SRP19: variants seen among roughly 807,000 people sequenced by gnomAD.
The protein encoded by SRP19 is signal recognition particle 19.
SRP19 carries 11 observed loss-of-function variants against 22.4 expected under a neutral mutation model. The ratio of observed to expected loss-of-function variants is 0.49; its 90% CI spans 0.31 to 0.81. SRP19 has a LOEUF of 0.81. Ranked by LOEUF, SRP19 falls within the 40% of genes least tolerant of loss-of-function variation. The pLI, the probability that SRP19 is intolerant of heterozygous loss-of-function variation, is 0.05. For synonymous variants in SRP19, 61 were observed against 57.6 expected (o/e 1.06, Z -0.27); for missense variants, 168 against 175.9 (o/e 0.96, Z 0.25).
Position 112,864,638 on chromosome 5 carries a change from T to C in SRP19, c.207T>C (p.Ser69=). The change falls in exon 4 of 5, where the codon TCT becomes TCC. Residue 69 remains serine (S), a synonymous_variant. Coordinates refer to ENST00000505459, the MANE Select transcript of SRP19 (RefSeq NM_003135.3). ...TATGTTAGAAAAATAAAATGTACTCTAGAGAATGGAATCGTGATGTCCAAT... is the reference window on the plus strand; with the variant it reads ...TATGTTAGAAAAATAAAATGTACTCCAGAGAATGGAATCGTGATGTCCAAT... The part of the protein sequence containing the change: ...NVFLEKNKMY[S]REWNRDVQYR... 2 of 1,614,116 alleles carry C rather than the reference T, an allele frequency of 1.2e-6. No individual in the cohort carries two copies. The highest frequency in any genetic ancestry group is 1.7e-6 in the Non-Finnish European group (2 of 1,179,994).
chr5:112,872,322 C>CTTTTTTTTTT (rs759571945), downstream of SRP19, among the ~76,000 whole-genome samples: 1 of 92,690 alleles, frequency 1.1e-5, no homozygotes, highest in Non-Finnish European at 2.0e-5. Context: ...CCAAATGATT[C>CTTTTTTTTTT]TTTTTTTTTT....
downstream of SRP19, chr5:112,897,285 T>C (rs893417811): frequency 5.3e-5 from 8 of 151,506 alleles, no homozygotes; most frequent in Non-Finnish European, 1.0e-4. Context: ...TTTTAAAAAA[T>C]AGGAAGACTA....
chr5:112,891,828 A>G (rs1768463750), exon 5 of SRP19: 2 of 1,569,946 alleles, frequency 1.3e-6, no homozygotes, highest in Non-Finnish European at 8.8e-7. Context: ...AACAACAACT[A>G]GAAGAAGAGA....
downstream of SRP19, among the ~76,000 whole-genome samples, chr5:112,870,186 T>C (rs1767726565): frequency 6.6e-6 from 1 of 152,064 alleles, no homozygotes; most frequent in Non-Finnish European, 1.5e-5. Flanking sequence ...AGGAAGAAAG[T>C]AGTTGAGAAT....
intron 4 of SRP19, among the ~76,000 whole-genome samples, chr5:112,883,645 A>G (rs1768143482): frequency 6.6e-6 from 1 of 152,096 alleles, no homozygotes; most frequent in Non-Finnish European, 1.5e-5. Flanking sequence ...GTGGCCCCCA[A>G]ATTTATATCT....
chr5:112,898,049 A>C (rs1353350562), downstream of SRP19: 1 of 152,116 alleles, frequency 6.6e-6, no homozygotes, highest in African/African-American at 2.4e-5. Flanking sequence ...ACAGAGCAAC[A>C]CTCTGTCCCA....
intron 4 of SRP19, chr5:112,887,093 G>C (rs766641032): frequency 6.2e-7 from 1 of 1,613,726 alleles, no homozygotes; most frequent in South Asian, 1.1e-5. Context: ...TGGGACTCGT[G>C]CTTCAGGAAG....
At chr5:112,864,899 G>A (rs1207482050) in intron 4 of SRP19, 167 bp downstream of exon 4, 18 of 455,318 alleles carry the variant, frequency 4.0e-5, no homozygotes, top group Non-Finnish European at 5.4e-5. Flanking sequence ...ATTTCTTTGA[G>A]GTGAATGACC....
intron 4 of SRP19, among the ~76,000 whole-genome samples, chr5:112,886,072 A>G (rs1246342133): frequency 6.6e-6 from 1 of 152,220 alleles, no homozygotes; most frequent in African/African-American, 2.4e-5. Context: ...AGACTGGCCA[A>G]TGAACTCTTT....
chr5:112,864,575 A>T (rs1375468195), intron 3 of SRP19, 46 bp from the exon 4 acceptor site: 3 of 1,611,278 alleles, frequency 1.9e-6, no homozygotes, highest in African/African-American at 1.3e-5. Context: ...TAATTGATGT[A>T]ATAACTTTCT....
chr5:112,892,170 T>C, exon 5 of SRP19: 1 of 1,614,158 alleles, frequency 6.2e-7, no homozygotes, highest in African/African-American at 1.3e-5. Context: ...GAGCTAATTG[T>C]CCCTTCTACA....
At chr5:112,894,113 TGG>T (rs1359862447), downstream of SRP19, 2 of 139,950 alleles carry the variant, frequency 1.4e-5, no homozygotes, top group African/African-American at 5.9e-5. Flanking sequence ...TTTGTTTTTT[TGG>T]TTTTTTTTGT....
chr5:112,875,464 G>A (rs78065046), intron 4 of SRP19, among the ~76,000 whole-genome samples: 5,267 of 151,666 alleles, frequency 0.035, 222 homozygotes, highest in East Asian at 0.16. Flanking sequence ...GACCTCCCAG[G>A]CTCAAGTCCT....
At position 112,861,294 on chromosome 5, in the gene SRP19, C is replaced by T; in HGVS notation, c.-83C>T. ...GACTTCCGGCGGAAAAGCGGGCTGT[C>T]TCGGAAACTCAGAGCCGGGTTCCTC... On this transcript the variant is annotated 5_prime_UTR_variant, in exon 1 of 5. Transcript: ENST00000505459. The T allele has an allele frequency of 3.9e-6, 6 of 1,539,682 alleles. No homozygotes were observed. The highest frequency in any genetic ancestry group is 3.6e-6 in the Non-Finnish European group (4 of 1,112,606).
Position 112,869,570 on chromosome 5 carries a change from A to G in SRP19, c.*2033A>G, listed in dbSNP as rs77737326. Reference sequence around the variant, plus strand: ...ATATATACTATGTTTTTGCCTATGTATATATACTTGATATGGTTTGGCTGC... The same window carrying G: ...ATATATACTATGTTTTTGCCTATGTGTATATACTTGATATGGTTTGGCTGC... On this transcript the variant is annotated 3_prime_UTR_variant, in exon 5 of 5. Transcript: ENST00000505459. 5,313 of 152,328 alleles carry G rather than the reference A, an allele frequency of 0.035. 227 individuals carry two copies. Among genetic ancestry groups the G allele is most frequent in the East Asian group, 0.16 (827 of 5,180 alleles). The allele number at this position is 152,328 out of a possible 1,614,324, so 9.4% of individuals were successfully genotyped here. A position where few individuals can be genotyped will look rare whatever the true frequency, so the allele number is the denominator to read the frequency against.
chr5:112,873,316 C>T (rs1767801371), downstream of SRP19, among the ~76,000 whole-genome samples: 3 of 51,138 alleles, frequency 5.9e-5, no homozygotes, highest in African/African-American at 8.5e-5. Flanking sequence ...TTTAGATTTG[C>T]TCAGCTTTAT....
intron 1 of SRP19, chr5:112,862,267 G>A (rs928977473): frequency 1.1e-5 from 6 of 563,034 alleles, no homozygotes; most frequent in African/African-American, 3.8e-5. Context: ...CTGATTGGTT[G>A]AGGGAGGGGG....
chr5:112,874,776 ATT>A (rs34164046), downstream of SRP19, among the ~76,000 whole-genome samples: 5,093 of 134,690 alleles, frequency 0.038, 194 homozygotes, highest in East Asian at 0.18. Flanking sequence ...ATGTGCGCCA[ATT>A]TTTTTTTTTT....
intron 1 of SRP19, chr5:112,862,289 AGAG>A (rs1561637073): frequency 1.7e-6 from 1 of 587,968 alleles, no homozygotes. Flanking sequence ...TCAATCAGAA[AGAG>A]GAGTAGGCCC....
Sources: gnomAD v4.1 joint callset for allele counts (sites outside exome capture counted in the v4.1 genomes callset) on GRCh38, gnomAD v4.1.1 for gene constraint, MANE v1.5 for transcripts, NCBI Gene and HGNC (gene_info 2026-07-23, HGNC 2026-07-21) for gene names.